The following ARHGAP23 variants were observed in gnomAD, a reference collection of about 807,000 sequenced individuals.
ARHGAP23 encodes the protein rho GTPase-activating protein 23.
Under a neutral mutation model 136.3 loss-of-function variants are expected in ARHGAP23, and 34 were observed. The ratio of observed to expected loss-of-function variants is 0.25; its 90% CI spans 0.19 to 0.33. The LOEUF (loss-of-function observed/expected upper bound fraction) is 0.33. Among genes scored for constraint, ARHGAP23 ranks in the 10% least tolerant of loss-of-function variants. The pLI is 1.00. For missense variants in ARHGAP23, 1,808 were observed against 2,139.0 expected, an observed-to-expected ratio of 0.85 and a Z score of 3.05; for synonymous variants, 832 against 920.5, an observed-to-expected ratio of 0.90 and a Z score of 1.74.
At chr17:38,433,509 G>A (rs6503615) in intron 1 of ARHGAP23, among the ~76,000 whole-genome samples, 32,453 of 152,130 alleles carry the variant, frequency 0.21, 8,655 homozygotes, top group African/African-American at 0.63. Flanking sequence ...TGGAGGTGCA[G>A]TGAGGTCTGG....
Position 38,466,252 on chromosome 17 carries a change from AC to A in ARHGAP23, c.574del (p.Arg192AlafsTer56). ...ATCCCAGAGCCACCCCCGATCTGCT[AC>A]CCCCGCAAGACCTACGCCCCTCCTG... ...RSIPEPPPIC[Y>X]PRKTYAPPAR... On this transcript the variant is annotated frameshift_variant, in exon 7 of 24. Transcript: ENST00000622683. LOFTEE classifies it high-confidence loss of function. The A allele has an allele frequency of 6.5e-7, 1 of 1,546,192 alleles. No individual in the cohort carries two copies.
At chr17:38,450,031 G>T (rs1380253112) in intron 1 of ARHGAP23, among the ~76,000 whole-genome samples, 2 of 152,178 alleles carry the variant, frequency 1.3e-5, no homozygotes, top group Non-Finnish European at 1.5e-5. Flanking sequence ...TCCTGTGAGG[G>T]ATAGCCTGGG....
chr17:38,456,988 C>T (rs1171990965), intron 1 of ARHGAP23, among the ~76,000 whole-genome samples: 3 of 152,180 alleles, frequency 2.0e-5, no homozygotes, highest in Non-Finnish European at 4.4e-5. Context: ...CAGTTCACTG[C>T]AACTTCTCCC....
At chr17:38,435,644 C>A (rs2038778955) in intron 1 of ARHGAP23, among the ~76,000 whole-genome samples, 1 of 152,186 alleles carries the variant, frequency 6.6e-6, no homozygotes, top group South Asian at 2.1e-4. Context: ...GCTTTGTCAC[C>A]CAGGCTGGGG....
intron 1 of ARHGAP23, among the ~76,000 whole-genome samples, chr17:38,436,161 TC>T (rs2038792560): frequency 6.6e-6 from 1 of 152,064 alleles, no homozygotes; most frequent in Middle Eastern, 3.4e-3. Context: ...CAGGAGATGG[TC>T]GGGGGGATGT....
intron 1 of ARHGAP23, among the ~76,000 whole-genome samples, chr17:38,455,137 T>A (rs1456719743): frequency 1.3e-5 from 2 of 152,170 alleles, no homozygotes; most frequent in East Asian, 3.9e-4. Flanking sequence ...CACCTCAAGA[T>A]GAGAACAAGA....
Position 38,500,639 on chromosome 17 carries a change from A to T in ARHGAP23, c.3447+11A>T, listed in dbSNP as rs1031244991. 1.3e-6 allele frequency: 2 copies of T among 1,548,540 alleles called. No individual in the cohort carries two copies. The highest frequency in any genetic ancestry group is 2.7e-5 in the African/African-American group (2 of 72,946). On this transcript the variant is annotated intron_variant, in intron 23 of 23. Coordinates refer to ENST00000622683, the MANE Select transcript of ARHGAP23 (RefSeq NM_001199417.2). ...TCAGCCAAGTCCAAGGTACGTATGA[A>T]GGCAATTCTGAAGGCTTGATCCCTG...
intron 1 of ARHGAP23, among the ~76,000 whole-genome samples, chr17:38,454,999 A>C (rs2039290789): frequency 6.6e-6 from 1 of 152,150 alleles, no homozygotes; most frequent in African/African-American, 2.4e-5. Context: ...GTGTCCCCTG[A>C]GCAACTCCCT....
At chr17:38,500,701 T>C (rs953891720) in intron 23 of ARHGAP23, 73 bp downstream of exon 23, 11 of 1,349,024 alleles carry the variant, frequency 8.2e-6, no homozygotes, top group African/African-American at 4.4e-5. Flanking sequence ...TTCAAGGGAA[T>C]TGAGGGAATG....
At chr17:38,476,706 C>T (rs2039899827) in intron 11 of ARHGAP23, among the ~76,000 whole-genome samples, 1 of 152,190 alleles carries the variant, frequency 6.6e-6, no homozygotes, top group Non-Finnish European at 1.5e-5. Context: ...GGAGCTCCGC[C>T]TCCTTTAGGG....
At chr17:38,506,385 C>G (rs2040634958) in intron 23 of ARHGAP23, among the ~76,000 whole-genome samples, 1 of 152,184 alleles carries the variant, frequency 6.6e-6, no homozygotes, top group Admixed American at 6.6e-5. Flanking sequence ...GGAGATGAGG[C>G]CTGCCCTGGG....
intron 1 of ARHGAP23, among the ~76,000 whole-genome samples, chr17:38,421,671 G>A (rs968111883): frequency 3.3e-5 from 5 of 152,246 alleles, no homozygotes; most frequent in South Asian, 2.1e-4. Context: ...GGAACTGCTG[G>A]GTGGGGTGAG....
At chr17:38,501,504 G>C (rs865862397) in intron 23 of ARHGAP23, among the ~76,000 whole-genome samples, 2 of 151,926 alleles carry the variant, frequency 1.3e-5, no homozygotes, top group African/African-American at 4.8e-5. Flanking sequence ...GGTTTCACCA[G>C]GTTAGCCAGG....
At position 38,479,837 on chromosome 17, in the gene ARHGAP23, T is replaced by G. The variant is rs2039990109; in HGVS notation, c.2583T>G (p.Ser861Arg). 1 of 1,521,170 alleles carries G rather than the reference T, an allele frequency of 6.6e-7. No homozygotes were observed. The highest frequency in any genetic ancestry group is 2.0e-5 in the Admixed American group (1 of 48,974). 94.2% of individuals were successfully genotyped at this position (1,521,170 alleles called of 1,614,324 possible). A position where few individuals can be genotyped will look rare whatever the true frequency, so the allele number is the denominator to read the frequency against. ...GGLKSEFLKQ[S>R]AARGLRTQDL... is the part of the protein sequence containing the mutation. Reference sequence around the variant, plus strand: ...TCAAGTCTGAGTTCCTCAAGCAGAGTGCGGCACGTGGCCTCAGGACTCAGG... The same window carrying G: ...TCAAGTCTGAGTTCCTCAAGCAGAGGGCGGCACGTGGCCTCAGGACTCAGG... The change falls in exon 14 of 24, where the codon AGT becomes AGG. Residue 861 changes from serine to arginine, a missense_variant. This residue lies in a region of ARHGAP23 where 73 missense variants were observed against 82.5 expected (regional missense o/e 0.88). Transcript: ENST00000622683.
At chr17:38,503,747 G>A (rs1291341289) in intron 23 of ARHGAP23, among the ~76,000 whole-genome samples, 2 of 152,214 alleles carry the variant, frequency 1.3e-5, no homozygotes, top group Non-Finnish European at 1.5e-5. Flanking sequence ...GGGAACTCCT[G>A]CAGGAGGCCT....
chr17:38,491,908 CG>C (rs1359722291), intron 20 of ARHGAP23, among the ~76,000 whole-genome samples: 1 of 152,172 alleles, frequency 6.6e-6, no homozygotes, highest in African/African-American at 2.4e-5. Context: ...CACGAGCAGA[CG>C]GGGGCCAAGG....
At chr17:38,423,438 C>T (rs145243633) in intron 1 of ARHGAP23, among the ~76,000 whole-genome samples, 16 of 151,812 alleles carry the variant, frequency 1.1e-4, no homozygotes, top group East Asian at 3.9e-4. Context: ...GTGGCATGAT[C>T]GCAGCTCAGT....
chr17:38,510,174 C>G lies in ARHGAP23; in HGVS notation c.3678C>G (p.Pro1226=). ...CTGGCGCCGTCGCCCCCGAGGCCCC[C>G]GGACGCCTCAGTCCCCCGGCGGCGC... The part of the protein sequence containing the change: ...PLPGAVAPEA[P]GRLSPPAAPE... Residue 1226 remains proline, a synonymous_variant, in exon 24 of 24, where the codon CCC becomes CCG. Coordinates refer to ENST00000622683, the MANE Select transcript of ARHGAP23 (RefSeq NM_001199417.2). The surrounding 1 kb of genome is among the most constrained non-coding windows in gnomAD (Gnocchi z 4.6). 2.3e-6 allele frequency: 3 copies of G among 1,310,750 alleles called. No individual in the cohort carries two copies. Among genetic ancestry groups the G allele is most frequent in the Non-Finnish European group, 2.9e-6 (3 of 1,037,698 alleles). 81.2% of individuals were successfully genotyped at this position (1,310,750 alleles called of 1,614,324 possible).
At chr17:38,491,621 G>A in intron 20 of ARHGAP23, 89 bp downstream of exon 20, 1 of 1,521,102 alleles carries the variant, frequency 6.6e-7, no homozygotes, top group Non-Finnish European at 8.9e-7. Context: ...GCCTGGCGGA[G>A]TGTGCCCCAG....
Sources: gnomAD v4.1 joint callset for allele counts (sites outside exome capture counted in the v4.1 genomes callset) on GRCh38, gnomAD v4.1.1 for gene constraint, gnomAD v4.1.1 regional missense constraint, Gnocchi (gnomAD v3.1) non-coding constraint, MANE v1.5 for transcripts, NCBI Gene and HGNC (gene_info 2026-07-23, HGNC 2026-07-21) for gene names.